CDCA7L: variants seen among roughly 807,000 people sequenced by gnomAD.
The protein encoded by CDCA7L is cell division cycle associated 7 like, also known as cell division cycle-associated 7-like protein.
In CDCA7L, 44 loss-of-function variants were observed where a neutral mutation model predicts 57.4. That is an observed-to-expected ratio of 0.77 (90% CI 0.60 to 0.98). The LOEUF (loss-of-function observed/expected upper bound fraction) is 0.98, where lower values mean the gene tolerates loss of function less well. Among genes scored for constraint, CDCA7L ranks in the 50% least tolerant of loss-of-function variants. The probability of loss-of-function intolerance (pLI) is 0.00; values close to 1 mark genes in which losing one functional copy is unlikely to be tolerated. For missense variants in CDCA7L, 644 were observed against 580.6 expected (o/e 1.11, Z -1.12); for synonymous variants, 236 against 202.8 (o/e 1.16, Z -1.39).
At chr7:21,902,930 A>G (rs755111153) in intron 9 of CDCA7L, 48 bp downstream of exon 9, 32 of 1,590,048 alleles carry the variant, frequency 2.0e-5, no homozygotes, top group Non-Finnish European at 2.7e-5. Context: ...TCCTGTGCTC[A>G]GCCTCAAGAT....
intron 5 of CDCA7L, 50 bp downstream of exon 5, chr7:21,906,518 G>C (rs748792271): frequency 1.7e-5 from 28 of 1,611,778 alleles, no homozygotes; most frequent in Non-Finnish European, 2.3e-5. Flanking sequence ...CCGTCTGGTG[G>C]CTGATCACCA....
intron 3 of CDCA7L, among the ~76,000 whole-genome samples, chr7:21,910,770 A>G (rs574211643): frequency 2.6e-5 from 4 of 152,330 alleles, no homozygotes; most frequent in Non-Finnish European, 5.9e-5. Flanking sequence ...GGAAGTGCTG[A>G]GAGTAGACTT....
rs1209398853 is a variant in CDCA7L, at chr7:21,928,532, AT to A, written c.25-11639del. On this transcript the variant is annotated intron_variant, in intron 1 of 9. Coordinates refer to ENST00000406877, the MANE Select transcript of CDCA7L (RefSeq NM_018719.5). Reference sequence around the variant, plus strand: ...AGCTAAAGAAGCATGTTCTAACTCAATACAAGGAAACTAAGAACCTTGAAAA... The same window carrying A: ...AGCTAAAGAAGCATGTTCTAACTCAAACAAGGAAACTAAGAACCTTGAAAA... Among the ~76,000 whole-genome samples, 3 of 152,100 alleles carry A rather than the reference AT, an allele frequency of 2.0e-5. No homozygotes were observed. The East Asian group carries it at 5.8e-4, about 29-fold the overall frequency.
chr7:21,905,396 C>CTGAGCCCTTGGTGAGATGGCA (rs1785107307), intron 7 of CDCA7L, 110 bp downstream of exon 7: 7 of 1,254,326 alleles, frequency 5.6e-6, no homozygotes, highest in Non-Finnish European at 1.1e-6. Flanking sequence ...GAGCCTGGCT[C>CTGAGCCCTTGGTGAGATGGCA]TGAGCCCTTG....
intron 1 of CDCA7L, among the ~76,000 whole-genome samples, chr7:21,928,423 C>T (rs1785891545): frequency 6.6e-6 from 1 of 151,974 alleles, no homozygotes; most frequent in Non-Finnish European, 1.5e-5. Context: ...AACTCCTTAC[C>T]AGCAAGGGAA....
At chr7:21,938,598 T>A (rs1358593153) in intron 1 of CDCA7L, among the ~76,000 whole-genome samples, 2 of 152,198 alleles carry the variant, frequency 1.3e-5, no homozygotes, top group African/African-American at 4.8e-5. Flanking sequence ...GATATTTGTA[T>A]GCCAATGTTT....
At chr7:21,935,258 G>A (rs1786128659) in intron 1 of CDCA7L, among the ~76,000 whole-genome samples, 1 of 152,172 alleles carries the variant, frequency 6.6e-6, no homozygotes, top group Non-Finnish European at 1.5e-5. Context: ...TCACAAATAT[G>A]TGGAAATTAA....
At position 21,906,271 on chromosome 7, in the gene CDCA7L, G is replaced by C; in HGVS notation, c.921+18C>G. 6.4e-7 allele frequency: 1 copy of C among 1,573,306 alleles called. No individual in the cohort carries two copies. The highest frequency in any genetic ancestry group is 8.6e-7 in the Non-Finnish European group (1 of 1,158,772). ...GTAGCTCAGACAAAAACTAATTCAT[G>C]TATTAGTCAGAAAATACCCCAATTG... On this transcript the variant is annotated intron_variant, in intron 6 of 9. Transcript: ENST00000406877.
chr7:21,906,394 G>A lies in CDCA7L; in HGVS notation c.816C>T (p.Thr272=). The part of the protein sequence containing the change: ...EGQITRRMNP[T]RSARPPEKFA... ...ACTTCTCAGGAGGCCGCGCACTCCG[G>A]GTTGGGTTCATACGCCGCGTGATCT... Residue 272 remains threonine, a synonymous_variant, in exon 6 of 10, where the codon ACC becomes ACT. Coordinates refer to ENST00000406877, the MANE Select transcript of CDCA7L (RefSeq NM_018719.5). 1.2e-6 allele frequency: 2 copies of A among 1,613,790 alleles called. No individual in the cohort carries two copies. The highest frequency in any genetic ancestry group is 1.1e-5 in the South Asian group (1 of 91,060).
Position 21,945,843 on chromosome 7 carries a change from C to T in CDCA7L, c.-39G>A. ...GCTCCAGTCTCCTCCCAGCACGCGGCCACGGGAGCCCGGACTCACCACGGC... is the reference window on the plus strand; with the variant it reads ...GCTCCAGTCTCCTCCCAGCACGCGGTCACGGGAGCCCGGACTCACCACGGC... On this transcript the variant is annotated 5_prime_UTR_variant, in exon 1 of 10. Transcript: ENST00000406877. 6.3e-7 allele frequency: 1 copy of T among 1,588,584 alleles called. No homozygotes were observed. The highest frequency in any genetic ancestry group is 8.5e-7 in the Non-Finnish European group (1 of 1,169,656).
chr7:21,902,271 G>GTCT lies in CDCA7L; in HGVS notation c.*48_*50dup. ...TTTCTTAGGCACCAATGGTATGCAT[G>GTCT]TCTTGTTGGAGTACTCTATGGTGAG... On this transcript the variant is annotated 3_prime_UTR_variant, in exon 10 of 10. Coordinates refer to ENST00000406877, the MANE Select transcript of CDCA7L (RefSeq NM_018719.5). The GTCT allele has an allele frequency of 6.6e-7, 1 of 1,522,498 alleles. No homozygotes were observed. The highest frequency in any genetic ancestry group is 1.4e-5 in the African/African-American group (1 of 73,632). The allele number at this position is 1,522,498 out of a possible 1,614,324, so 94.3% of individuals were successfully genotyped here. A position where few individuals can be genotyped will look rare whatever the true frequency, so the allele number is the denominator to read the frequency against.
Position 21,902,088 on chromosome 7 carries a change from A to G in CDCA7L, c.*234T>C, listed in dbSNP as rs1307499698. Reference sequence around the variant, plus strand: ...TTAATAACTGGCAGATATTTTTAACAAAGTTCAGCATACAGACAGGTCTGT... The same window carrying G: ...TTAATAACTGGCAGATATTTTTAACGAAGTTCAGCATACAGACAGGTCTGT... On this transcript the variant is annotated 3_prime_UTR_variant, in exon 10 of 10. Coordinates refer to ENST00000406877, the MANE Select transcript of CDCA7L (RefSeq NM_018719.5). The G allele has an allele frequency of 5.8e-6, 3 of 517,582 alleles. No homozygotes were observed. Among genetic ancestry groups the G allele is most frequent in the African/African-American group, 3.8e-5 (2 of 52,666 alleles). The allele number at this position is 517,582 out of a possible 1,614,324, so 32.1% of individuals were successfully genotyped here.
chr7:21,943,254 A>C (rs1786402130), intron 1 of CDCA7L, among the ~76,000 whole-genome samples: 1 of 152,250 alleles, frequency 6.6e-6, no homozygotes, highest in African/African-American at 2.4e-5. Flanking sequence ...CATCAAATCC[A>C]ACACACTGGT....
chr7:21,923,217 G>A (rs1457751334), intron 1 of CDCA7L, among the ~76,000 whole-genome samples: 1 of 152,204 alleles, frequency 6.6e-6, no homozygotes, highest in Non-Finnish European at 1.5e-5. Context: ...AGCCAGGCAT[G>A]GTGGTTCATA....
intron 3 of CDCA7L, among the ~76,000 whole-genome samples, chr7:21,910,403 G>A (rs929553302): frequency 6.6e-6 from 1 of 152,126 alleles, no homozygotes; most frequent in Non-Finnish European, 1.5e-5. Flanking sequence ...ACTATCAAAC[G>A]AAGCAGCCTA....
intron 1 of CDCA7L, among the ~76,000 whole-genome samples, chr7:21,934,157 G>A (rs1258777478): frequency 2.0e-5 from 3 of 152,122 alleles, no homozygotes; most frequent in Admixed American, 1.3e-4. Flanking sequence ...ATAAAAACTA[G>A]AGTATTATTG....
Position 21,901,484 on chromosome 7 carries a change from ACTTGAAC to A in CDCA7L, c.*831_*837del, listed in dbSNP as rs1784846803. 1 of 447,410 alleles carries A rather than the reference ACTTGAAC, an allele frequency of 2.2e-6. No homozygotes were observed. Among genetic ancestry groups the A allele is most frequent in the Non-Finnish European group, 3.4e-6 (1 of 291,152 alleles). The allele number at this position is 447,410 out of a possible 1,614,324, so 27.7% of individuals were successfully genotyped here. A position where few individuals can be genotyped will look rare whatever the true frequency, so the allele number is the denominator to read the frequency against. On this transcript the variant is annotated 3_prime_UTR_variant, in exon 10 of 10. Coordinates refer to ENST00000406877, the MANE Select transcript of CDCA7L (RefSeq NM_018719.5). ...CAGTTACTCAGGAGGTAGGAGAATCACTTGAACCTAGGAGGCAAAGGTTGCAGTGAGC... is the reference window on the plus strand; with the variant it reads ...CAGTTACTCAGGAGGTAGGAGAATCACTAGGAGGCAAAGGTTGCAGTGAGC...
Position 21,906,631 on chromosome 7 carries a change from C to G in CDCA7L, c.690G>C (p.Gln230His), listed in dbSNP as rs188087480. 1 of 1,613,888 alleles carries G rather than the reference C, an allele frequency of 6.2e-7. No homozygotes were observed. The highest frequency in any genetic ancestry group is 8.5e-7 in the Non-Finnish European group (1 of 1,180,004). The change falls in exon 5 of 10, where the codon CAG (glutamine) becomes CAC (histidine). Residue 230 changes from glutamine to histidine, a missense_variant. Physicochemically the swap from Gln to His is conservative, Grantham distance 24. Coordinates refer to ENST00000406877, the MANE Select transcript of CDCA7L (RefSeq NM_018719.5). ...GCATCGAGTTCAATTCCGCCAATAA[C>G]TGGGCAAGCTGAAGTTCAGAACAAA... The part of the protein sequence containing the change: ...NIKENKAMLA[Q>H]LLAELNSMPD...
At chr7:21,911,529 T>C in intron 3 of CDCA7L, 88 bp downstream of exon 3, 1 of 1,452,318 alleles carries the variant, frequency 6.9e-7, no homozygotes, top group Non-Finnish European at 9.2e-7. Flanking sequence ...ATCTTTTCAC[T>C]TGTGAAGTGA....
Sources: gnomAD v4.1 joint callset for allele counts (sites outside exome capture counted in the v4.1 genomes callset) on GRCh38, gnomAD v4.1.1 for gene constraint, MANE v1.5 for transcripts, NCBI Gene and HGNC (gene_info 2026-07-23, HGNC 2026-07-21) for gene names.